Variants in ADGRG2 observed in about 807,000 individuals in gnomAD.
The protein encoded by ADGRG2 is adhesion G protein-coupled receptor G2.
Under a neutral mutation model 74.1 loss-of-function variants are expected in ADGRG2, and 26 were observed. The ratio of observed to expected loss-of-function variants is 0.35; its 90% CI spans 0.26 to 0.49. The LOEUF (loss-of-function observed/expected upper bound fraction) is 0.49, where lower values mean the gene tolerates loss of function less well. ADGRG2 is among the 20% of genes least tolerant of loss of function. The pLI is 0.99. For synonymous variants in ADGRG2, 296 were observed against 295.2 expected (o/e 1.00, Z -0.03); for missense variants, 619 against 763.1 (o/e 0.81, Z 2.22).
chrX:19,004,513 A>T (rs1045868845), intron 23 of ADGRG2, among the ~76,000 whole-genome samples: 2 of 111,851 alleles, frequency 1.8e-5, no homozygotes, highest in Non-Finnish European at 3.8e-5. Context: ...TATGTCTATC[A>T]GGTACTGGGT....
At chrX:19,047,585 A>T (rs2061219773) in intron 3 of ADGRG2, among the ~76,000 whole-genome samples, 1 of 112,431 alleles carries the variant, frequency 8.9e-6, no homozygotes, top group Non-Finnish European at 1.9e-5. Context: ...GGATCTAAAA[A>T]GATTACAACT....
chrX:19,002,811 A>G, intron 24 of ADGRG2, 35 bp downstream of exon 24: 1 of 1,171,601 alleles, frequency 8.5e-7, no homozygotes, highest in South Asian at 1.9e-5. Flanking sequence ...AAGGCAGAGA[A>G]AGTCCAGGCA....
intron 1 of ADGRG2, among the ~76,000 whole-genome samples, chrX:19,094,360 A>AT (rs201582799): frequency 3.4e-4 from 36 of 106,718 alleles, no homozygotes; most frequent in East Asian, 1.2e-3. Flanking sequence ...TCCTAAATCT[A>AT]TTTTTTTTTT....
chrX:18,996,194 A>G (rs757763685), intron 26 of ADGRG2, 42 bp from the exon 27 acceptor site: 1 of 624,321 alleles, frequency 1.6e-6, no homozygotes, highest in Non-Finnish European at 2.7e-6. Flanking sequence ...CCAAGCTAAT[A>G]GCTGAATGTC....
chrX:19,002,802 A>G, intron 24 of ADGRG2, 44 bp downstream of exon 24: 13 of 1,144,612 alleles, frequency 1.1e-5, no homozygotes, highest in Non-Finnish European at 1.5e-5. Flanking sequence ...ACTAGAGAAA[A>G]GGCAGAGAAA....
intron 3 of ADGRG2, among the ~76,000 whole-genome samples, chrX:19,061,218 T>C (rs1441568867): frequency 9.0e-6 from 1 of 110,925 alleles, no homozygotes; most frequent in Non-Finnish European, 1.9e-5. Context: ...CGGATGAGCA[T>C]AGTACTGCTG....
chrX:19,114,216 T>C (rs1174602682), intron 1 of ADGRG2, among the ~76,000 whole-genome samples: 3 of 110,475 alleles, frequency 2.7e-5, no homozygotes, highest in Non-Finnish European at 5.7e-5. Context: ...GGGAACACTT[T>C]ATTTGCACAA....
chrX:19,105,611 G>A (rs5955697), intron 1 of ADGRG2, among the ~76,000 whole-genome samples: 27,999 of 110,113 alleles, frequency 0.25, 5,038 homozygotes, highest in African/African-American at 0.64. Flanking sequence ...AAAAGCACTA[G>A]AAGAAATACC....
intron 10 of ADGRG2, among the ~76,000 whole-genome samples, chrX:19,027,778 A>G (rs1225521546): frequency 8.9e-6 from 1 of 112,227 alleles, no homozygotes; most frequent in African/African-American, 3.2e-5. Flanking sequence ...CTCTGAACCA[A>G]TCTAGGTTTT....
intron 15 of ADGRG2, among the ~76,000 whole-genome samples, 174 bp from the exon 16 acceptor site, chrX:19,014,248 G>A (rs1424838671): frequency 1.8e-5 from 2 of 110,583 alleles, no homozygotes; most frequent in Non-Finnish European, 3.8e-5. Flanking sequence ...CTATCCCCCA[G>A]CCCCTGCCCA....
chrX:19,035,277 T>G (rs376300122), intron 7 of ADGRG2: 2 of 112,403 alleles, frequency 1.8e-5, no homozygotes, highest in East Asian at 5.6e-4. Context: ...AATGCAATCC[T>G]TGCATACTGC....
chrX:19,088,642 C>A (rs754817910), intron 1 of ADGRG2, among the ~76,000 whole-genome samples: 1 of 111,008 alleles, frequency 9.0e-6, no homozygotes, highest in African/African-American at 3.3e-5. Flanking sequence ...CACATGCCAC[C>A]ACACCCAGCT....
intron 19 of ADGRG2, 93 bp downstream of exon 19, chrX:19,007,886 AC>A: frequency 1.3e-6 from 1 of 745,861 alleles, no homozygotes; most frequent in Non-Finnish European, 2.0e-6. Context: ...CATTTGACTT[AC>A]GGCAGCCTTA....
chrX:19,097,586 C>A (rs1337120955), intron 1 of ADGRG2, among the ~76,000 whole-genome samples: 1 of 112,143 alleles, frequency 8.9e-6, no homozygotes, highest in Non-Finnish European at 1.9e-5. Flanking sequence ...TTACAGGAAT[C>A]CGGGGCCTGG....
intron 1 of ADGRG2, among the ~76,000 whole-genome samples, chrX:19,086,387 C>G (rs1407322136): frequency 2.7e-5 from 3 of 111,654 alleles, no homozygotes; most frequent in African/African-American, 9.8e-5. Flanking sequence ...TTGCAGATTG[C>G]CCCAAACCAT....
At chrX:19,005,958 C>T (rs1326514771) in intron 22 of ADGRG2, 44 bp downstream of exon 22, 1 of 785,155 alleles carries the variant, frequency 1.3e-6, no homozygotes, top group Non-Finnish European at 2.0e-6. Flanking sequence ...GCCCAGCTAC[C>T]CCTCAGACTC....
intron 13 of ADGRG2, among the ~76,000 whole-genome samples, chrX:19,022,798 G>A (rs1328659391): frequency 8.9e-6 from 1 of 111,925 alleles, no homozygotes. Flanking sequence ...CCAGGCTCAA[G>A]TGATTCTTGT....
chrX:19,026,695 C>T lies in ADGRG2; in HGVS notation c.470+524G>A, dbSNP rs1437620910. Among the ~76,000 whole-genome samples the T allele has an allele frequency of 3.6e-5, 4 of 110,521 alleles. No homozygotes were observed. The Admixed American group carries it at 3.9e-4, about 11-fold the overall frequency. Reference sequence around the variant, plus strand: ...ATTTTTAGTAGAGATGGGATTTCACCATGTTCGCCAGGCTAGTCTTGAACT... The same window carrying T: ...ATTTTTAGTAGAGATGGGATTTCACTATGTTCGCCAGGCTAGTCTTGAACT... On this transcript the variant is annotated intron_variant, in intron 11 of 28. Transcript: ENST00000379869.
chrX:18,994,877 T>C lies in ADGRG2; in HGVS notation c.2869+19A>G. The C allele has an allele frequency of 8.8e-7, 1 of 1,142,061 alleles. No individual in the cohort carries two copies. Among genetic ancestry groups the C allele is most frequent in the South Asian group, 2.0e-5 (1 of 50,476 alleles). 94.1% of individuals were successfully genotyped at this position (1,142,061 alleles called of 1,213,427 possible). A position where few individuals can be genotyped will look rare whatever the true frequency, so the allele number is the denominator to read the frequency against. The stretch of plus-strand genomic sequence containing the variant: ...AAATAAACACTAGCTTGAGAAATAC[T>C]ATATTGAGACATACATACCATTCCC... On this transcript the variant is annotated intron_variant, in intron 28 of 28. Coordinates refer to ENST00000379869, the MANE Select transcript of ADGRG2 (RefSeq NM_001079858.3).
Sources: allele counts gnomAD v4.1 joint callset (sites outside exome capture counted in the v4.1 genomes callset), GRCh38; gene constraint gnomAD v4.1.1; transcripts MANE v1.5; gene names NCBI Gene and HGNC (gene_info 2026-07-23, HGNC 2026-07-21).